FAM184A: variants seen among roughly 807,000 people sequenced by gnomAD.
The protein encoded by FAM184A is family with sequence similarity 184 member A, also known as protein FAM184A.
In FAM184A, 99 loss-of-function variants were observed where a neutral mutation model predicts 143.8. That is an observed-to-expected ratio of 0.69 (90% confidence interval 0.58 to 0.81). The LOEUF is 0.81. FAM184A is among the 40% of genes least tolerant of loss of function. The pLI, the probability that FAM184A is intolerant of heterozygous loss-of-function variation, is 0.00. For missense variants in FAM184A, 1,217 were observed against 1,310.5 expected, an observed-to-expected ratio of 0.93 and a Z score of 1.10; for synonymous variants, 427 against 446.4, an observed-to-expected ratio of 0.96 and a Z score of 0.55.
At chr6:118,966,479 T>G (rs1165592502) in intron 15 of FAM184A, among the ~76,000 whole-genome samples, 1 of 152,212 alleles carries the variant, frequency 6.6e-6, no homozygotes, top group Non-Finnish European at 1.5e-5. Flanking sequence ...TGCATGAATG[T>G]GCTGGCTTTT....
intron 1 of FAM184A, among the ~76,000 whole-genome samples, chr6:119,119,579 T>G (rs1043959218): frequency 6.6e-6 from 1 of 152,124 alleles, no homozygotes; most frequent in Non-Finnish European, 1.5e-5. Context: ...TGTTAGTATA[T>G]GAACACAAAA....
In FAM184A at chr6:119,091,474, A is replaced by C. The variant is rs537102047; in HGVS notation, c.-202+57604T>G. On this transcript the variant is annotated intron_variant, in intron 1 of 16. Coordinates refer to the FAM184A transcript ENST00000352896. ...CATTCCAACATTTTATCAGTTCAGC[A>C]ACTTGTGGATACTGTGGTATATGGT... is the stretch of plus-strand genomic sequence containing the variant. Among the ~76,000 whole-genome samples, 176 of 152,290 alleles carry C rather than the reference A, an allele frequency of 1.2e-3. 1 individual carries two copies. Among genetic ancestry groups the C allele is most frequent in the African/African-American group, 4.2e-3 (173 of 41,550 alleles).
chr6:119,020,038 C>T lies in FAM184A; in HGVS notation c.1272G>A (p.Leu424=), dbSNP rs751710661. ...CATCCAGACTTTGGGTTTTGCTTCG[C>T]AAAAAAGCTCTTTCCTCTTCAAGTT... The part of the protein sequence containing the change: ...LSQLEEERAF[L]RSKTQSLDEE... Residue 424 remains leucine, a synonymous_variant, in exon 4 of 18, where the codon TTG becomes TTA. Transcript: ENST00000338891. The T allele has an allele frequency of 5.0e-6, 8 of 1,605,016 alleles. No individual in the cohort carries two copies. In the East Asian group the frequency reaches 6.8e-5, roughly 14 times the overall value.
chr6:119,074,984 T>C (rs1005291388), intron 1 of FAM184A, among the ~76,000 whole-genome samples: 1 of 152,264 alleles, frequency 6.6e-6, no homozygotes, highest in African/African-American at 2.4e-5. Flanking sequence ...TGTTAGGCTC[T>C]TAGGAAATAG....
At position 118,959,824 on chromosome 6, in the gene FAM184A, G is replaced by GCAT. The variant is rs10623126; in HGVS notation, c.*276_*278dup. On this transcript the variant is annotated 3_prime_UTR_variant, in exon 18 of 18. Coordinates refer to ENST00000338891, the MANE Select transcript of FAM184A (RefSeq NM_024581.6). ...AAGCAAACGTAGAAAAAAATAAAAA[G>GCAT]CATTGTTTGATTCTAACAAAATTTA... 0.86 allele frequency: 188,896 copies of GCAT among 219,100 alleles called. 81,676 individuals are homozygous for GCAT. Among genetic ancestry groups the GCAT allele is most frequent in the African/African-American group, 0.93 (41,022 of 43,980 alleles). 13.6% of individuals were successfully genotyped at this position (219,100 alleles called of 1,614,324 possible). A position where few individuals can be genotyped will look rare whatever the true frequency, so the allele number is the denominator to read the frequency against.
At chr6:119,123,368 G>A (rs1199099128) in intron 1 of FAM184A, among the ~76,000 whole-genome samples, 3 of 151,978 alleles carry the variant, frequency 2.0e-5, no homozygotes, top group Non-Finnish European at 4.4e-5. Flanking sequence ...TACCTTGGGC[G>A]ACAGAGTGAG....
At chr6:118,993,978 T>C (rs1269953718) in intron 9 of FAM184A, among the ~76,000 whole-genome samples, 1 of 152,176 alleles carries the variant, frequency 6.6e-6, no homozygotes, top group African/African-American at 2.4e-5. Context: ...CCCAGCTTCC[T>C]AGCTCTCACT....
chr6:119,077,489 C>T (rs1019177270), intron 1 of FAM184A, among the ~76,000 whole-genome samples: 1 of 152,210 alleles, frequency 6.6e-6, no homozygotes, highest in African/African-American at 2.4e-5. Flanking sequence ...AATTTAGGTA[C>T]AGTCCTAAAC....
At chr6:119,113,201 T>C (rs993568091) in intron 1 of FAM184A, among the ~76,000 whole-genome samples, 1 of 149,714 alleles carries the variant, frequency 6.7e-6, no homozygotes, top group Admixed American at 6.6e-5. Context: ...ACTCAACCCT[T>C]TAAAAAAAAA....
At chr6:119,037,824 A>G (rs1786169338) in intron 1 of FAM184A, among the ~76,000 whole-genome samples, 1 of 152,230 alleles carries the variant, frequency 6.6e-6, no homozygotes, top group Non-Finnish European at 1.5e-5. Flanking sequence ...GTCAAAAACT[A>G]CCTTTTTCTC....
intron 1 of FAM184A, among the ~76,000 whole-genome samples, chr6:119,029,442 C>T (rs548934628): frequency 7.9e-5 from 12 of 152,294 alleles, no homozygotes; most frequent in African/African-American, 2.9e-4. Context: ...TCCATGACCA[C>T]CCAAATCCAT....
chr6:118,971,667 ACT>A (rs950023103), intron 14 of FAM184A, among the ~76,000 whole-genome samples: 2 of 152,078 alleles, frequency 1.3e-5, no homozygotes, highest in African/African-American at 2.4e-5. Context: ...TTTCTATAGA[ACT>A]CTCTGAAAAA....
chr6:119,123,660 A>G (rs540170893), intron 1 of FAM184A, among the ~76,000 whole-genome samples: 2 of 152,278 alleles, frequency 1.3e-5, no homozygotes, highest in South Asian at 2.1e-4. Flanking sequence ...AACGTTACTC[A>G]GGGGTCCCCT....
At chr6:119,002,854 A>G in intron 9 of FAM184A, 45 bp downstream of exon 9, 1 of 1,471,098 alleles carries the variant, frequency 6.8e-7, no homozygotes, top group Non-Finnish European at 9.1e-7. Flanking sequence ...TAGCCAGAGA[A>G]TGTCAAGGGA....
At chr6:119,099,191 C>A (rs1788581983) in intron 1 of FAM184A, among the ~76,000 whole-genome samples, 1 of 152,118 alleles carries the variant, frequency 6.6e-6, no homozygotes, top group African/African-American at 2.4e-5. Context: ...AAGCTCCACA[C>A]CCCTTCCCAT....
At chr6:119,092,665 G>A (rs1212635409) in intron 1 of FAM184A, among the ~76,000 whole-genome samples, 1 of 151,622 alleles carries the variant, frequency 6.6e-6, no homozygotes, top group Non-Finnish European at 1.5e-5. Context: ...AGGTCTCTTT[G>A]GGGGAAGAAT....
chr6:119,041,650 T>C (rs920395205), intron 1 of FAM184A, among the ~76,000 whole-genome samples: 3 of 152,088 alleles, frequency 2.0e-5, no homozygotes, highest in Non-Finnish European at 4.4e-5. Flanking sequence ...AGCTGAGCTT[T>C]CACTCCCAGT....
chr6:119,139,411 G>A (rs1379558058), intron 1 of FAM184A, among the ~76,000 whole-genome samples: 1 of 152,180 alleles, frequency 6.6e-6, no homozygotes, highest in East Asian at 1.9e-4. Flanking sequence ...ATTCCAGCCA[G>A]TATCTGGAAA....
intron 1 of FAM184A, among the ~76,000 whole-genome samples, chr6:119,057,307 A>G (rs768956246): frequency 2.0e-5 from 3 of 152,178 alleles, no homozygotes; most frequent in African/African-American, 7.2e-5. Flanking sequence ...ATGATTATAT[A>G]GTGTAAATTC....
Sources: gnomAD v4.1 joint callset for allele counts (sites outside exome capture counted in the v4.1 genomes callset) on GRCh38, gnomAD v4.1.1 for gene constraint, MANE v1.5 for transcripts, NCBI Gene and HGNC (gene_info 2026-07-23, HGNC 2026-07-21) for gene names.